Variants in BABAM2 observed in about 807,000 individuals in gnomAD.
BABAM2 encodes BRISC and BRCA1 A complex member 2.
A neutral mutation model predicts 54.7 loss-of-function variants in BABAM2; 31 were observed. That is an observed-to-expected ratio of 0.57 (90% CI 0.43 to 0.77). BABAM2 has a LOEUF of 0.77. Ranked by LOEUF, BABAM2 falls within the 30% of genes least tolerant of loss-of-function variation. The pLI, the probability that BABAM2 is intolerant of heterozygous loss-of-function variation, is 0.00. For synonymous variants in BABAM2, 167 were observed against 162.9 expected (o/e 1.03, Z -0.19); for missense variants, 364 against 455.8 (o/e 0.80, Z 1.83).
intron 11 of BABAM2, among the ~76,000 whole-genome samples, chr2:28,318,781 C>T (rs914993842): frequency 2.0e-5 from 3 of 152,178 alleles, no homozygotes; most frequent in African/African-American, 7.2e-5. Flanking sequence ...GCTGTGTAGG[C>T]ATGGTTTAAT....
chr2:28,161,599 A>T (rs1242339459), intron 7 of BABAM2, among the ~76,000 whole-genome samples: 1 of 152,194 alleles, frequency 6.6e-6, no homozygotes, highest in Non-Finnish European at 1.5e-5. Flanking sequence ...AGGGTTAGCC[A>T]GAACTGTCTA....
At chr2:28,315,205 C>T (rs891430096) in intron 11 of BABAM2, among the ~76,000 whole-genome samples, 2 of 151,912 alleles carry the variant, frequency 1.3e-5, no homozygotes, top group African/African-American at 4.8e-5. Context: ...AATTCAAGTC[C>T]TTGTTCAACC....
intron 6 of BABAM2, among the ~76,000 whole-genome samples, chr2:28,072,902 G>A (rs1045597953): frequency 9.9e-5 from 15 of 152,204 alleles, no homozygotes; most frequent in African/African-American, 2.9e-4. Flanking sequence ...TTATCACAAG[G>A]TTAATCTATT....
chr2:28,127,684 C>T (rs540029052), intron 6 of BABAM2, among the ~76,000 whole-genome samples: 10 of 152,054 alleles, frequency 6.6e-5, no homozygotes, highest in African/African-American at 1.2e-4. Context: ...CCGAAGGTTC[C>T]GGAGTTGAGC....
intron 3 of BABAM2, among the ~76,000 whole-genome samples, chr2:27,982,019 ATTATT>A (rs1465000287): frequency 6.6e-6 from 1 of 152,140 alleles, no homozygotes; most frequent in African/African-American, 2.4e-5. Context: ...ATAAACACTT[ATTATT>A]ATATGTCTTT....
At chr2:27,948,478 A>C (rs1200514060) in intron 3 of BABAM2, among the ~76,000 whole-genome samples, 1 of 152,208 alleles carries the variant, frequency 6.6e-6, no homozygotes, top group Non-Finnish European at 1.5e-5. Flanking sequence ...TTGTTGGTAG[A>C]AAAGTGTTAA....
intron 7 of BABAM2, among the ~76,000 whole-genome samples, chr2:28,197,459 A>G (rs1677725324): frequency 6.6e-6 from 1 of 152,238 alleles, no homozygotes; most frequent in Admixed American, 6.5e-5. Flanking sequence ...TAAAAGTACC[A>G]AAAACACTTG....
At chr2:27,912,904 A>G (rs935233024) in intron 2 of BABAM2, among the ~76,000 whole-genome samples, 1 of 152,198 alleles carries the variant, frequency 6.6e-6, no homozygotes, top group Non-Finnish European at 1.5e-5. Flanking sequence ...TCAACTTAGT[A>G]GAGATATCAA....
At chr2:28,153,249 C>T (rs1437605824) in intron 7 of BABAM2, among the ~76,000 whole-genome samples, 1 of 152,170 alleles carries the variant, frequency 6.6e-6, no homozygotes, top group African/African-American at 2.4e-5. Context: ...ATGTATTTTA[C>T]TTAATAGGCC....
At chr2:28,235,112 T>A (rs986929787) in intron 7 of BABAM2, among the ~76,000 whole-genome samples, 3 of 152,368 alleles carry the variant, frequency 2.0e-5, no homozygotes, top group Non-Finnish European at 2.9e-5. Flanking sequence ...CACATTGACT[T>A]CCTTGTGTCA....
intron 1 of BABAM2, among the ~76,000 whole-genome samples, chr2:27,892,085 T>C (rs1239354382): frequency 5.3e-5 from 8 of 152,232 alleles, no homozygotes; most frequent in African/African-American, 7.2e-5. Flanking sequence ...TCTTTGGTGA[T>C]AGAAGTTATC....
chr2:27,954,247 C>T (rs553777389), intron 3 of BABAM2, among the ~76,000 whole-genome samples: 44 of 152,274 alleles, frequency 2.9e-4, no homozygotes, highest in African/African-American at 7.0e-4. Context: ...TCAATAGGGG[C>T]GGCAAATTTA....
intron 6 of BABAM2, among the ~76,000 whole-genome samples, chr2:28,069,639 A>G (rs1663942305): frequency 6.6e-6 from 1 of 152,178 alleles, no homozygotes; most frequent in Non-Finnish European, 1.5e-5. Context: ...AGTAAATGCA[A>G]GCAGTGGATA....
At chr2:28,242,169 C>G (rs1476300439) in intron 9 of BABAM2, among the ~76,000 whole-genome samples, 1 of 152,126 alleles carries the variant, frequency 6.6e-6, no homozygotes, top group Non-Finnish European at 1.5e-5. Flanking sequence ...CCCCATTTCC[C>G]CAGCACTCAG....
At chr2:28,187,543 A>G (rs1676445202) in intron 7 of BABAM2, among the ~76,000 whole-genome samples, 2 of 152,066 alleles carry the variant, frequency 1.3e-5, no homozygotes, top group Admixed American at 6.6e-5. Flanking sequence ...TGTAAAATTT[A>G]TATATCTATC....
chr2:28,165,499 G>A (rs530490906), intron 7 of BABAM2, among the ~76,000 whole-genome samples: 2 of 149,378 alleles, frequency 1.3e-5, no homozygotes, highest in East Asian at 1.9e-4. Context: ...GTGGGGGAAG[G>A]GGCACTGAAG....
intron 6 of BABAM2, among the ~76,000 whole-genome samples, chr2:28,059,583 TCCATAGA>T (rs1309951655): frequency 6.6e-6 from 1 of 152,210 alleles, no homozygotes. Context: ...TAGTCTCTTT[TCCATAGA>T]CCAGCAACTC....
chr2:28,062,271 A>G (rs570965210), intron 6 of BABAM2, among the ~76,000 whole-genome samples: 1 of 151,186 alleles, frequency 6.6e-6, no homozygotes, highest in South Asian at 2.1e-4. Flanking sequence ...AAAAAAAAAA[A>G]AACAAAAAAC....
Position 28,338,609 on chromosome 2 carries a change from AC to A in BABAM2, c.*97del. The A allele has an allele frequency of 6.9e-7, 1 of 1,446,862 alleles. No individual in the cohort carries two copies. The highest frequency in any genetic ancestry group is 9.7e-7 in the Non-Finnish European group (1 of 1,033,730). The allele number at this position is 1,446,862 out of a possible 1,614,324, so 89.6% of individuals were successfully genotyped here. On this transcript the variant is annotated 3_prime_UTR_variant, in exon 12 of 12. Coordinates refer to ENST00000379624, the MANE Select transcript of BABAM2 (RefSeq NM_199191.3). ...CCTGGAAGCCGCCTGGAATGTCTTC[AC>A]GGCAGCGTTTTGCTCACACAGCAGC...
Sources: gnomAD v4.1 joint callset for allele counts (sites outside exome capture counted in the v4.1 genomes callset) on GRCh38, gnomAD v4.1.1 for gene constraint, MANE v1.5 for transcripts, NCBI Gene and HGNC (gene_info 2026-07-23, HGNC 2026-07-21) for gene names.